Variants in TRIM51G observed in about 807,000 individuals in gnomAD.
TRIM51G encodes the protein tripartite motif-containing 51G.
the TRIM51G span, chr11:48,979,039 G>A: frequency 2.0e-6 from 2 of 1,009,704 alleles, no homozygotes; most frequent in Middle Eastern, 2.0e-4. Flanking sequence ...TCTTCTTCAT[G>A]GAAAAATGCA....
the TRIM51G span, among the ~76,000 whole-genome samples, chr11:48,979,849 T>C: frequency 8.5e-6 from 1 of 117,516 alleles, no homozygotes; most frequent in African/African-American, 2.5e-5. Flanking sequence ...TACACATATA[T>C]ATTCATATAT....
the TRIM51G span, among the ~76,000 whole-genome samples, chr11:48,983,737 A>G: frequency 6.6e-6 from 1 of 152,012 alleles, no homozygotes; most frequent in African/African-American, 2.4e-5. Flanking sequence ...AGTTGCACTC[A>G]CCCCAAGGTT....
the TRIM51G span, chr11:48,975,824 A>G: frequency 2.1e-6 from 3 of 1,398,076 alleles, no homozygotes; most frequent in African/African-American, 4.2e-5. Flanking sequence ...CCCATGTTAA[A>G]CTCCCAATAA....
chr11:48,981,460 T>C, the TRIM51G span: 1 of 1,607,656 alleles, frequency 6.2e-7, no homozygotes, highest in East Asian at 2.2e-5. Flanking sequence ...GAGGCTGGCT[T>C]TTCTGGCAAT....
the TRIM51G span, chr11:48,981,844 A>T: frequency 1.1e-6 from 1 of 924,872 alleles, no homozygotes; most frequent in South Asian, 1.6e-5. Flanking sequence ...AAAAATGAAA[A>T]ATTCATACAC....
the TRIM51G span, chr11:48,976,020 G>A: frequency 1.9e-6 from 1 of 521,698 alleles, no homozygotes; most frequent in Non-Finnish European, 3.6e-6. Flanking sequence ...TTTTAAAAAA[G>A]TATAGATACA....
chr11:48,981,484 T>G, the TRIM51G span: 2 of 1,607,008 alleles, frequency 1.2e-6, no homozygotes, highest in Non-Finnish European at 1.7e-6. Flanking sequence ...AGCCATGTTC[T>G]TCAAACAAAT....
the TRIM51G span, among the ~76,000 whole-genome samples, chr11:48,982,794 C>T: frequency 9.2e-3 from 1,303 of 140,996 alleles, 10 homozygotes; most frequent in Non-Finnish European, 0.016. Context: ...TAGACAGTCT[C>T]GTTATTGTTT....
the TRIM51G span, chr11:48,980,929 T>C: frequency 4.0e-6 from 2 of 495,102 alleles, no homozygotes; most frequent in Non-Finnish European, 8.3e-6. Context: ...ATTCTGTTGG[T>C]TGCCATATTC....
At chr11:48,981,694 A>G in the TRIM51G span, 1 of 1,598,118 alleles carries the variant, frequency 6.3e-7, no homozygotes, top group Non-Finnish European at 8.6e-7. Context: ...TCCAGAATTC[A>G]TGTTTCTGAA....
the TRIM51G span, among the ~76,000 whole-genome samples, chr11:48,977,759 G>T: frequency 6.6e-6 from 1 of 151,934 alleles, no homozygotes; most frequent in South Asian, 2.1e-4. Context: ...GCTTCCCCTG[G>T]TTTACTTTGT....
chr11:48,981,331 C>T, the TRIM51G span: 20 of 1,606,592 alleles, frequency 1.2e-5, no homozygotes, highest in Admixed American at 1.8e-4. Flanking sequence ...TCTGTGATTC[C>T]GGTGCTCCTG....
the TRIM51G span, chr11:48,980,921 T>G: frequency 3.9e-5 from 19 of 492,612 alleles, no homozygotes; most frequent in South Asian, 7.5e-5. Flanking sequence ...AGCATCTGAT[T>G]CTGTTGGTTG....
At chr11:48,975,671 G>A in the TRIM51G span, 289 of 1,455,350 alleles carry the variant, frequency 2.0e-4, no homozygotes, top group African/African-American at 3.6e-3. Flanking sequence ...ATTACAAGTG[G>A]GGAGGTGGTA....
the TRIM51G span, among the ~76,000 whole-genome samples, chr11:48,983,044 G>A: frequency 1.1e-5 from 1 of 89,918 alleles, no homozygotes; most frequent in East Asian, 3.8e-4. Flanking sequence ...AATACAAACT[G>A]GAATCTTTCC....
the TRIM51G span, chr11:48,975,955 A>G: frequency 1.1e-5 from 8 of 720,882 alleles, no homozygotes; most frequent in Non-Finnish European, 1.5e-5. Context: ...TCCATGCAGG[A>G]AGATATGACT....
At chr11:48,979,820 A>G in the TRIM51G span, among the ~76,000 whole-genome samples, 1 of 149,104 alleles carries the variant, frequency 6.7e-6, no homozygotes, top group Non-Finnish European at 1.5e-5. Context: ...TATATAATAT[A>G]TATACACTGA....
chr11:48,976,061 G>A, the TRIM51G span: 41 of 390,026 alleles, frequency 1.1e-4, no homozygotes, highest in South Asian at 8.5e-4. Context: ...ATTCTTGAGG[G>A]AAAAGTTGTT....
the TRIM51G span, chr11:48,981,311 T>C: frequency 6.2e-7 from 1 of 1,606,298 alleles, no homozygotes; most frequent in Non-Finnish European, 8.5e-7. Flanking sequence ...GCCCACTCAG[T>C]GGGACAGTGT....
Sources: gnomAD v4.1 joint callset for allele counts (sites outside exome capture counted in the v4.1 genomes callset) on GRCh38, gnomAD v4.1.1 for gene constraint, MANE v1.5 for transcripts, NCBI Gene and HGNC (gene_info 2026-07-23, HGNC 2026-07-21) for gene names.